SLC25A48: variants seen among roughly 807,000 people sequenced by gnomAD.
SLC25A48 encodes the protein CTC-321K16.1.
Under a neutral mutation model 32.2 loss-of-function variants are expected in SLC25A48, and 29 were observed. The observed-to-expected ratio is 0.90, with a 90% CI of 0.67 to 1.23. SLC25A48 has a LOEUF of 1.23. Among genes scored for constraint, SLC25A48 ranks in the 50% most tolerant of loss-of-function variants. SLC25A48 has a pLI of 0.00. For synonymous variants in SLC25A48, 164 were observed against 172.3 expected (o/e 0.95, Z 0.38); for missense variants, 399 against 422.7 (o/e 0.94, Z 0.49).
At chr5:135,767,956 C>CGGT (rs1554073212) in intron 3 of SLC25A48, among the ~76,000 whole-genome samples, 8 of 126,964 alleles carry the variant, frequency 6.3e-5, no homozygotes, top group Admixed American at 4.5e-4. Context: ...TTGTAATATC[C>CGGT]GGGGGGGGGA....
chr5:135,695,658 C>T (rs1390898494), intron 3 of SLC25A48, among the ~76,000 whole-genome samples: 1 of 152,248 alleles, frequency 6.6e-6, no homozygotes, highest in Non-Finnish European at 1.5e-5. Context: ...GGCAGCTGTG[C>T]TGGCACTTTC....
At chr5:135,659,250 C>T (rs1001853835) in intron 3 of SLC25A48, among the ~76,000 whole-genome samples, 2 of 121,072 alleles carry the variant, frequency 1.7e-5, no homozygotes, top group Admixed American at 8.6e-5. Flanking sequence ...AAATTTCTTC[C>T]ACCAGATACC....
intron 3 of SLC25A48, among the ~76,000 whole-genome samples, chr5:135,692,940 C>T (rs1179700374): frequency 6.6e-6 from 1 of 152,180 alleles, no homozygotes; most frequent in Non-Finnish European, 1.5e-5. Context: ...TAAAGGTCCT[C>T]TAAGTGCTTT....
At chr5:135,653,935 T>C (rs1753179139) in intron 3 of SLC25A48, 1 of 456,082 alleles carries the variant, frequency 2.2e-6, no homozygotes, top group Non-Finnish European at 4.4e-6. Flanking sequence ...TTGTTCTCTC[T>C]GGGGCTGGGA....
At chr5:135,803,026 C>T (rs1181399917) in intron 3 of SLC25A48, 1 of 151,372 alleles carries the variant, frequency 6.6e-6, no homozygotes, top group Non-Finnish European at 1.5e-5. Flanking sequence ...TTCATAATAA[C>T]CTAGAGAGCT....
intron 4 of SLC25A48, among the ~76,000 whole-genome samples, chr5:135,813,792 G>T (rs933041451): frequency 6.6e-6 from 1 of 152,148 alleles, no homozygotes; most frequent in East Asian, 1.9e-4. Flanking sequence ...AAAGGGGAGA[G>T]AGGAGAACTT....
intron 3 of SLC25A48, among the ~76,000 whole-genome samples, chr5:135,641,088 A>G (rs905927377): frequency 1.1e-4 from 16 of 152,248 alleles, no homozygotes; most frequent in African/African-American, 3.9e-4. Flanking sequence ...TATGTAGAAA[A>G]TCTTGAAGAA....
intron 3 of SLC25A48, among the ~76,000 whole-genome samples, chr5:135,784,994 A>ACCCC (rs1756799230): frequency 1.7e-5 from 1 of 58,284 alleles, no homozygotes; most frequent in Non-Finnish European, 6.5e-5. Context: ...AGTTGTATAC[A>ACCCC]AATATTTTTC....
intron 4 of SLC25A48, among the ~76,000 whole-genome samples, chr5:135,859,993 T>G (rs1465673634): frequency 6.6e-6 from 1 of 152,190 alleles, no homozygotes; most frequent in Non-Finnish European, 1.5e-5. Flanking sequence ...CCTCCATACC[T>G]TAGCAGAATT....
intron 4 of SLC25A48, among the ~76,000 whole-genome samples, chr5:135,820,623 T>TA (rs377205914): frequency 4.6e-5 from 7 of 152,024 alleles, no homozygotes; most frequent in Admixed American, 2.6e-4. Flanking sequence ...AAGAGATGGA[T>TA]AAAAAAAATC....
At chr5:135,739,857 C>T (rs1755460896) in intron 3 of SLC25A48, among the ~76,000 whole-genome samples, 1 of 151,994 alleles carries the variant, frequency 6.6e-6, no homozygotes, top group Non-Finnish European at 1.5e-5. Context: ...GGTGTGTTTT[C>T]CTTCTGTATA....
chr5:135,652,151 A>G (rs181041547), intron 3 of SLC25A48, among the ~76,000 whole-genome samples: 2 of 152,338 alleles, frequency 1.3e-5, no homozygotes, highest in Non-Finnish European at 2.9e-5. Context: ...ACTTCCCCTT[A>G]TAAAGGCTGT....
intron 4 of SLC25A48, among the ~76,000 whole-genome samples, chr5:135,858,569 T>C (rs1760524129): frequency 1.3e-5 from 2 of 152,176 alleles, no homozygotes; most frequent in Admixed American, 1.3e-4. Flanking sequence ...GGATTTACTA[T>C]GGGGAGACTG....
At chr5:135,647,972 A>G (rs1276341981) in intron 3 of SLC25A48, among the ~76,000 whole-genome samples, 1 of 151,974 alleles carries the variant, frequency 6.6e-6, no homozygotes, top group Non-Finnish European at 1.5e-5. Flanking sequence ...CTAGGGGCAT[A>G]GGGCCTCCTG....
intron 1 of SLC25A48, among the ~76,000 whole-genome samples, chr5:135,841,772 G>A (rs1759015306): frequency 6.6e-6 from 1 of 152,098 alleles, no homozygotes; most frequent in Non-Finnish European, 1.5e-5. Context: ...CAGGGCCACT[G>A]CAGCCTTCAG....
At chr5:135,814,106 C>T (rs537751117) in intron 4 of SLC25A48, among the ~76,000 whole-genome samples, 34 of 152,298 alleles carry the variant, frequency 2.2e-4, no homozygotes, top group South Asian at 1.5e-3. Flanking sequence ...ATGGAATCTG[C>T]GCTGCAGTTG....
intron 3 of SLC25A48, chr5:135,649,506 A>G (rs801562): frequency 0.78 from 119,223 of 152,376 alleles, 46,988 homozygotes; most frequent in East Asian, 1. Flanking sequence ...GGTAACAAAT[A>G]GCAGACAGGG....
chr5:135,581,732 C>T (rs1580698470), intron 1 of SLC25A48, among the ~76,000 whole-genome samples: 1 of 152,320 alleles, frequency 6.6e-6, no homozygotes, highest in East Asian at 1.9e-4. Context: ...TCTGTGTATG[C>T]AGATCTCTGG....
intron 4 of SLC25A48, among the ~76,000 whole-genome samples, chr5:135,859,109 G>T (rs539276205): frequency 6.6e-6 from 1 of 152,084 alleles, no homozygotes; most frequent in African/African-American, 2.4e-5. Flanking sequence ...ATCACGACAG[G>T]GAGCTAACAT....
Sources: allele counts gnomAD v4.1 joint callset (sites outside exome capture counted in the v4.1 genomes callset), GRCh38; gene constraint gnomAD v4.1.1; transcripts MANE v1.5; gene names NCBI Gene and HGNC (gene_info 2026-07-23, HGNC 2026-07-21).